KDM4C: variants seen among roughly 807,000 people sequenced by gnomAD.
KDM4C encodes the protein lysine-specific demethylase 4C.
In KDM4C, 81 loss-of-function variants were observed where a neutral mutation model predicts 129.3. That is an observed-to-expected ratio of 0.63 (90% CI 0.52 to 0.75). KDM4C has a LOEUF of 0.75. Among genes scored for constraint, KDM4C ranks in the 30% least tolerant of loss-of-function variants. The pLI is 0.00. For missense variants in KDM4C, 1,457 were observed against 1,304.0 expected (o/e 1.12, Z -1.81); for synonymous variants, 573 against 456.1 (o/e 1.26, Z -3.26).
intron 8 of KDM4C, among the ~76,000 whole-genome samples, chr9:6,928,022 G>C (rs1161124461): frequency 6.6e-6 from 1 of 152,142 alleles, no homozygotes; most frequent in East Asian, 1.9e-4. Context: ...CTGTTGGAAA[G>C]AGTTGCTGTA....
chr9:6,765,052 C>T (rs1368630052), intron 1 of KDM4C, among the ~76,000 whole-genome samples: 1 of 152,174 alleles, frequency 6.6e-6, no homozygotes, highest in Non-Finnish European at 1.5e-5. Context: ...CTTGTCTCCA[C>T]CTCCAATGCA....
chr9:7,130,859 G>T (rs7033992), intron 19 of KDM4C, among the ~76,000 whole-genome samples: 1 of 151,538 alleles, frequency 6.6e-6, no homozygotes, highest in East Asian at 1.9e-4. Context: ...CCTGGGCTCC[G>T]GTGATCCTCT....
In KDM4C at chr9:6,747,539, C is replaced by CAAAAA. The variant is rs35996555; in HGVS notation, c.49+26558_49+26562dup. On this transcript the variant is annotated intron_variant, in intron 1 of 17. Coordinates refer to the KDM4C transcript ENST00000536108. The stretch of plus-strand genomic sequence containing the variant: ...CTCCAACCTGGATGACAGGGCGATT[C>CAAAAA]AAAAAAAAAAAAAAAAAAAAGAATA... 4.5e-4 allele frequency among the ~76,000 whole-genome samples: 44 copies of CAAAAA among 97,888 alleles called. 1 individual carries two copies. The highest frequency in any genetic ancestry group is 1.5e-3 in the East Asian group (5 of 3,372). 64.2% of individuals were successfully genotyped at this position (97,888 alleles called of 152,430 possible).
intron 20 of KDM4C, 62 bp from the exon 21 acceptor site, chr9:7,169,736 G>C (rs117794726): frequency 1.5e-6 from 2 of 1,292,588 alleles, no homozygotes; most frequent in African/African-American, 1.5e-5. Flanking sequence ...GTTAATTGGA[G>C]CCTTTAAAAA....
Position 7,103,848 on chromosome 9 carries a change from G to A in KDM4C, c.2588G>A (p.Arg863Gln), listed in dbSNP as rs770499419. ...WPYVVNITCFRHKVNPNVKSK... is the reference protein window; with the variant it reads ...WPYVVNITCFQHKVNPNVKSK... ...TATGTGGTGAACATTACATGCTTTC[G>A]ACATAAGGTCAACCCCAACGTGGTA... The change falls in exon 18 of 22, where the codon CGA becomes CAA. Residue 863 changes from arginine (R) to glutamine (Q), a missense_variant. By Grantham distance (43) the Arg-to-Gln change is conservative. Transcript: ENST00000381309. The A allele has an allele frequency of 6.8e-6, 11 of 1,613,878 alleles. No homozygotes were observed. The highest frequency in any genetic ancestry group is 2.2e-5 in the East Asian group (1 of 44,860).
At chr9:6,991,156 G>A (rs530542736) in intron 12 of KDM4C, among the ~76,000 whole-genome samples, 1 of 152,152 alleles carries the variant, frequency 6.6e-6, no homozygotes, top group Admixed American at 6.5e-5. Context: ...ACGGCTCACT[G>A]CAGCCTCAAC....
chr9:6,848,152 C>G (rs186222270), intron 4 of KDM4C, among the ~76,000 whole-genome samples: 148 of 152,178 alleles, frequency 9.7e-4, no homozygotes, highest in African/African-American at 3.4e-3. Flanking sequence ...CCTCAGCCTC[C>G]CAAAGTGCTG....
At chr9:6,753,364 T>C (rs1395660530), upstream of KDM4C, among the ~76,000 whole-genome samples, 1 of 152,230 alleles carries the variant, frequency 6.6e-6, no homozygotes, top group African/African-American at 2.4e-5. Flanking sequence ...AAACACTGAC[T>C]TCTATCTTTT....
chr9:6,806,178 G>T (rs999415587), intron 3 of KDM4C, among the ~76,000 whole-genome samples: 1 of 152,078 alleles, frequency 6.6e-6, no homozygotes, highest in South Asian at 2.1e-4. Flanking sequence ...CATTGCATTA[G>T]TTATTTATTG....
chr9:6,961,286 GTCA>G (rs1320098411), intron 8 of KDM4C, among the ~76,000 whole-genome samples: 7 of 152,142 alleles, frequency 4.6e-5, no homozygotes, highest in Non-Finnish European at 7.4e-5. Context: ...GGACAGTCTT[GTCA>G]TCATGTTACT....
intron 8 of KDM4C, among the ~76,000 whole-genome samples, chr9:6,896,840 G>T (rs1456476028): frequency 6.6e-6 from 1 of 152,192 alleles, no homozygotes; most frequent in Non-Finnish European, 1.5e-5. Context: ...GGGGTTCAAG[G>T]TCTGCTTCCT....
intron 1 of KDM4C, among the ~76,000 whole-genome samples, chr9:6,789,902 A>G (rs1182004613): frequency 2.0e-5 from 3 of 151,960 alleles, no homozygotes; most frequent in Non-Finnish European, 2.9e-5. Flanking sequence ...TTGGATTGTA[A>G]GTTCCTAAAG....
intron 17 of KDM4C, among the ~76,000 whole-genome samples, chr9:7,098,864 T>C (rs1836756104): frequency 2.6e-5 from 4 of 152,152 alleles, no homozygotes; most frequent in Admixed American, 2.6e-4. Flanking sequence ...ACTTAATGAA[T>C]AATAATGAGC....
intron 18 of KDM4C, among the ~76,000 whole-genome samples, chr9:7,111,511 G>A (rs1376008312): frequency 1.3e-5 from 2 of 152,142 alleles, no homozygotes; most frequent in South Asian, 2.1e-4. Flanking sequence ...GTGAGTTTAC[G>A]TTTATATAAC....
chr9:6,904,489 A>G (rs1327444660), intron 8 of KDM4C, among the ~76,000 whole-genome samples: 1 of 151,842 alleles, frequency 6.6e-6, no homozygotes, highest in Non-Finnish European at 1.5e-5. Context: ...ACAAATCAGA[A>G]TGTTGAAAAT....
intron 20 of KDM4C, 21 bp from the exon 21 acceptor site, chr9:7,169,777 T>C: frequency 6.3e-7 from 1 of 1,581,072 alleles, no homozygotes; most frequent in Non-Finnish European, 8.7e-7. Flanking sequence ...ATATGTATCA[T>C]GTTATATTAT....
chr9:6,798,913 C>T (rs1324678342), intron 2 of KDM4C, among the ~76,000 whole-genome samples: 1 of 151,880 alleles, frequency 6.6e-6, no homozygotes, highest in Non-Finnish European at 1.5e-5. Flanking sequence ...ACGTTCCTCA[C>T]CTCCCAGACG....
chr9:6,930,263 C>G (rs1232407550), intron 8 of KDM4C, among the ~76,000 whole-genome samples: 1 of 152,134 alleles, frequency 6.6e-6, no homozygotes, highest in Non-Finnish European at 1.5e-5. Flanking sequence ...TGAATTTTCA[C>G]ATTCTCAGAA....
At chr9:7,021,262 A>G (rs1824803366) in intron 15 of KDM4C, among the ~76,000 whole-genome samples, 1 of 151,292 alleles carries the variant, frequency 6.6e-6, no homozygotes, top group Non-Finnish European at 1.5e-5. Flanking sequence ...AGCAATTCTC[A>G]GCCTCCTGGG....
Sources: gnomAD v4.1 joint callset for allele counts (sites outside exome capture counted in the v4.1 genomes callset) on GRCh38, gnomAD v4.1.1 for gene constraint, MANE v1.5 for transcripts, NCBI Gene and HGNC (gene_info 2026-07-23, HGNC 2026-07-21) for gene names.